Variants in FNDC10 observed in about 807,000 individuals in gnomAD.
FNDC10 encodes the protein fibronectin type III domain containing 10.
A neutral mutation model predicts 11.6 loss-of-function variants in FNDC10; 8 were observed. That is an observed-to-expected ratio of 0.69 (90% CI 0.41 to 1.25). The LOEUF is 1.25. FNDC10 is among the 50% of genes most tolerant of loss of function. FNDC10 has a pLI of 0.01. For missense variants in FNDC10, 308 were observed against 330.2 expected (o/e 0.93, Z 0.52); for synonymous variants, 187 against 162.9 (o/e 1.15, Z -1.12).
rs1406402270 is a variant in FNDC10 at position 1,598,553 on chromosome 1, TCCCACAGGG to T, written c.*773_*781del. On this transcript the variant is annotated 3_prime_UTR_variant, in exon 1 of 1. Coordinates refer to ENST00000422725, the MANE Select transcript of FNDC10 (RefSeq NM_001242659.2). The stretch of plus-strand genomic sequence containing the variant: ...TGGTGATGGCCGCCATCTGCCCCAT[TCCCACAGGG>T]ACCTAGTCAGAGGTCGCACACACAA... 3.3e-5 allele frequency: 5 copies of T among 152,224 alleles called. No individual in the cohort carries two copies. The East Asian group carries it at 9.7e-4, about 30-fold the overall frequency. 9.4% of individuals were successfully genotyped at this position (152,224 alleles called of 1,614,324 possible).
Position 1,599,767 on chromosome 1 carries a change from G to C in FNDC10, c.249C>G (p.Val83=), listed in dbSNP as rs953076239. 3.2e-6 allele frequency: 4 copies of C among 1,264,942 alleles called. No homozygotes were observed. The highest frequency in any genetic ancestry group is 4.0e-6 in the Non-Finnish European group (4 of 1,010,540). The allele number at this position is 1,264,942 out of a possible 1,614,324, so 78.4% of individuals were successfully genotyped here. A position where few individuals can be genotyped will look rare whatever the true frequency, so the allele number is the denominator to read the frequency against. Residue 83 remains valine, a synonymous_variant, in exon 1 of 1, where the codon GTC becomes GTG. Coordinates refer to ENST00000422725, the MANE Select transcript of FNDC10 (RefSeq NM_001242659.2). This position sits in a 1 kb window ranked among gnomAD's most constrained non-coding sequence, Gnocchi z 6.7. ...APAGRSLRAS[V]LRNRSVLLQW... The stretch of plus-strand genomic sequence containing the variant: ...GCAGGAGGACGCTGCGGTTGCGCAG[G>C]ACGCTGGCGCGCAGGGAGCGGCCGG...
At position 1,599,085 on chromosome 1, in the gene FNDC10, G is replaced by T. The variant is rs1570421175; in HGVS notation, c.*250C>A. On this transcript the variant is annotated 3_prime_UTR_variant, in exon 1 of 1. Transcript: ENST00000422725. This position sits in a 1 kb window ranked among gnomAD's most constrained non-coding sequence, Gnocchi z 6.7. ...TCTATAAAGGCCTGCGGAGAGCGGG[G>T]AGAGCCCTGGATGCGGCTGGCACAG... 12 of 532,682 alleles carry T rather than the reference G, an allele frequency of 2.3e-5. No individual in the cohort carries two copies. The South Asian group carries it at 3.1e-4, about 14-fold the overall frequency. 33.0% of individuals were successfully genotyped at this position (532,682 alleles called of 1,614,324 possible). A position where few individuals can be genotyped will look rare whatever the true frequency, so the allele number is the denominator to read the frequency against.
At position 1,600,046 on chromosome 1, in the gene FNDC10, G is replaced by A; in HGVS notation, c.-31C>T. The A allele has an allele frequency of 1.0e-6, 1 of 973,724 alleles. No homozygotes were observed. The highest frequency in any genetic ancestry group is 1.2e-6 in the Non-Finnish European group (1 of 822,816). 60.3% of individuals were successfully genotyped at this position (973,724 alleles called of 1,614,324 possible). ...GGCGGGGCCACGGGGCGCGGCGCTG[G>A]GTCACGCGGGCCGCGCCGCCGCCGT... On this transcript the variant is annotated 5_prime_UTR_variant, in exon 1 of 1. Transcript: ENST00000422725.
Position 1,599,465 on chromosome 1 carries a change from A to ATGC in FNDC10, c.550_551insGCA (p.Val184delinsGlyMet). 1 of 1,533,862 alleles carries ATGC rather than the reference A, an allele frequency of 6.5e-7. No homozygotes were observed. The highest frequency in any genetic ancestry group is 8.7e-7 in the Non-Finnish European group (1 of 1,146,128). Reference sequence around the variant, plus strand: ...GCCGCCCACCGCCGTCATGGCCACCACGATGTCCTGCATGCCGGCCGGCTC... The same window carrying ATGC: ...GCCGCCCACCGCCGTCATGGCCACCATGCCGATGTCCTGCATGCCGGCCGGCTC... On this transcript the variant is annotated protein_altering_variant, in exon 1 of 1. Transcript: ENST00000422725. The surrounding 1 kb of genome is among the most constrained non-coding windows in gnomAD (Gnocchi z 6.7).
Position 1,599,324 on chromosome 1 carries a change from G to A in FNDC10, c.*11C>T, listed in dbSNP as rs779253234. On this transcript the variant is annotated 3_prime_UTR_variant, in exon 1 of 1. Transcript: ENST00000422725. This position sits in a 1 kb window ranked among gnomAD's most constrained non-coding sequence, Gnocchi z 6.7. The stretch of plus-strand genomic sequence containing the variant: ...GCAGGTGGCGCAAAGATGGGCGGGC[G>A]GCCTCGCGCTTCAGGGGTGTCTGCG... 53 of 1,471,620 alleles carry A rather than the reference G, an allele frequency of 3.6e-5. 2 individuals carry two copies. The Middle Eastern group carries it at 7.2e-4, about 20-fold the overall frequency. The allele number at this position is 1,471,620 out of a possible 1,614,324, so 91.2% of individuals were successfully genotyped here.
chr1:1,598,912 G>T lies in FNDC10; in HGVS notation c.*423C>A. 1 of 188,766 alleles carries T rather than the reference G, an allele frequency of 5.3e-6. No individual in the cohort carries two copies. The highest frequency in any genetic ancestry group is 1.1e-5 in the Non-Finnish European group (1 of 92,750). The allele number at this position is 188,766 out of a possible 1,614,324, so 11.7% of individuals were successfully genotyped here. On this transcript the variant is annotated 3_prime_UTR_variant, in exon 1 of 1. Coordinates refer to ENST00000422725, the MANE Select transcript of FNDC10 (RefSeq NM_001242659.2). Reference sequence around the variant, plus strand: ...AGTGGGGTGGGGCGGGGCAGGACAGGCTTGGAGAGCTGCGCCCCAGGCCTG... The same window carrying T: ...AGTGGGGTGGGGCGGGGCAGGACAGTCTTGGAGAGCTGCGCCCCAGGCCTG...
In FNDC10 at chr1:1,598,850, G is replaced by A. The variant is rs1643077221; in HGVS notation, c.*485C>T. The A allele has an allele frequency of 6.3e-6, 1 of 159,798 alleles. No homozygotes were observed. Among genetic ancestry groups the A allele is most frequent in the Non-Finnish European group, 1.4e-5 (1 of 73,410 alleles). 9.9% of individuals were successfully genotyped at this position (159,798 alleles called of 1,614,324 possible). A position where few individuals can be genotyped will look rare whatever the true frequency, so the allele number is the denominator to read the frequency against. On this transcript the variant is annotated 3_prime_UTR_variant, in exon 1 of 1. Coordinates refer to ENST00000422725, the MANE Select transcript of FNDC10 (RefSeq NM_001242659.2). Reference sequence around the variant, plus strand: ...GCAGAGGGTGTTGGCTCCTGCAGTGGGCCCGAGATACTAAGGCACGAAGCT... The same window carrying A: ...GCAGAGGGTGTTGGCTCCTGCAGTGAGCCCGAGATACTAAGGCACGAAGCT...
In FNDC10 at chr1:1,599,955, C is replaced by A; in HGVS notation, c.61G>T (p.Ala21Ser). 1.0e-6 allele frequency: 1 copy of A among 987,132 alleles called. No homozygotes were observed. Among genetic ancestry groups the A allele is most frequent in the Non-Finnish European group, 1.2e-6 (1 of 832,762 alleles). 61.1% of individuals were successfully genotyped at this position (987,132 alleles called of 1,614,324 possible). The change falls in exon 1 of 1, where the codon GCC (alanine) becomes TCC (serine). Residue 21 changes from alanine to serine, a missense_variant. Transcript: ENST00000422725. The surrounding 1 kb of genome is among the most constrained non-coding windows in gnomAD (Gnocchi z 6.7). ...TCCCAGCCCGGCGGCGTCGGGGCGG[C>A]CGCGGCGCAGGGCGGCGGCGCGCAG... ...AACAPPPCAAAAPTPPGWEPT... is the reference protein window; with the variant it reads ...AACAPPPCAASAPTPPGWEPT...
Position 1,599,330 on chromosome 1 carries a change from G to A in FNDC10, c.*5C>T. Reference sequence around the variant, plus strand: ...GGCGCAAAGATGGGCGGGCGGCCTCGCGCTTCAGGGGTGTCTGCGCAGGCC... The same window carrying A: ...GGCGCAAAGATGGGCGGGCGGCCTCACGCTTCAGGGGTGTCTGCGCAGGCC... On this transcript the variant is annotated 3_prime_UTR_variant, in exon 1 of 1. Coordinates refer to ENST00000422725, the MANE Select transcript of FNDC10 (RefSeq NM_001242659.2). This position sits in a 1 kb window ranked among gnomAD's most constrained non-coding sequence, Gnocchi z 6.7. The A allele has an allele frequency of 1.4e-6, 2 of 1,479,676 alleles. No homozygotes were observed. Among genetic ancestry groups the A allele is most frequent in the Non-Finnish European group, 8.9e-7 (1 of 1,122,306 alleles). The allele number at this position is 1,479,676 out of a possible 1,614,324, so 91.7% of individuals were successfully genotyped here. A position where few individuals can be genotyped will look rare whatever the true frequency, so the allele number is the denominator to read the frequency against.
rs1208924782 is a variant in FNDC10, at chr1:1,598,330, C to T, written c.*1005G>A. On this transcript the variant is annotated 3_prime_UTR_variant, in exon 1 of 1. Transcript: ENST00000422725. The stretch of plus-strand genomic sequence containing the variant: ...GTCTGCAGCAGGTGGGCAGGGTCAG[C>T]TTTTCTTCCATGGCGGGTGGCATTG... 6.6e-6 allele frequency: 1 copy of T among 152,562 alleles called. No individual in the cohort carries two copies. The highest frequency in any genetic ancestry group is 1.5e-5 in the Non-Finnish European group (1 of 68,312). The allele number at this position is 152,562 out of a possible 1,614,324, so 9.5% of individuals were successfully genotyped here. A position where few individuals can be genotyped will look rare whatever the true frequency, so the allele number is the denominator to read the frequency against.
chr1:1,599,800 G>T lies in FNDC10; in HGVS notation c.216C>A (p.His72Gln). 1 of 1,198,690 alleles carries T rather than the reference G, an allele frequency of 8.3e-7. No homozygotes were observed. Among genetic ancestry groups the T allele is most frequent in the Admixed American group, 4.6e-5 (1 of 21,822 alleles). The allele number at this position is 1,198,690 out of a possible 1,614,324, so 74.3% of individuals were successfully genotyped here. ...FRCQAPGCVL[H>Q]APAGRSLRAS... ...CGCGCAGGGAGCGGCCGGCCGGGGCGTGCAGCACGCAGCCCGGAGCCTGGC... is the reference window on the plus strand; with the variant it reads ...CGCGCAGGGAGCGGCCGGCCGGGGCTTGCAGCACGCAGCCCGGAGCCTGGC... The change falls in exon 1 of 1, where the codon CAC (histidine) becomes CAA (glutamine). Residue 72 changes from histidine (H) to glutamine (Q), a missense_variant. Physicochemically the swap from His to Gln is conservative, Grantham distance 24. Coordinates refer to ENST00000422725, the MANE Select transcript of FNDC10 (RefSeq NM_001242659.2). The surrounding 1 kb of genome is among the most constrained non-coding windows in gnomAD (Gnocchi z 6.7).
In FNDC10 at chr1:1,600,041, C is replaced by A. The variant is rs1167818912; in HGVS notation, c.-26G>T. On this transcript the variant is annotated 5_prime_UTR_variant, in exon 1 of 1. Transcript: ENST00000422725. ...CCTGCGGCGGGGCCACGGGGCGCGGCGCTGGGTCACGCGGGCCGCGCCGCC... is the reference window on the plus strand; with the variant it reads ...CCTGCGGCGGGGCCACGGGGCGCGGAGCTGGGTCACGCGGGCCGCGCCGCC... The A allele has an allele frequency of 1.1e-5, 11 of 975,266 alleles. No individual in the cohort carries two copies. The highest frequency in any genetic ancestry group is 1.3e-5 in the Non-Finnish European group (11 of 824,382). 60.4% of individuals were successfully genotyped at this position (975,266 alleles called of 1,614,324 possible).
In FNDC10 at chr1:1,599,887, G is replaced by A. The variant is rs1377864358; in HGVS notation, c.129C>T (p.Pro43=). 30 of 1,017,508 alleles carry A rather than the reference G, an allele frequency of 2.9e-5. No individual in the cohort carries two copies. The highest frequency in any genetic ancestry group is 3.5e-5 in the Non-Finnish European group (30 of 853,286). 63.0% of individuals were successfully genotyped at this position (1,017,508 alleles called of 1,614,324 possible). A position where few individuals can be genotyped will look rare whatever the true frequency, so the allele number is the denominator to read the frequency against. ...DAPWCPYKVL[P]EGPEAGGGRL... ...GCCCGCCGCCCGCCTCGGGGCCCTC[G>A]GGCAGCACCTTGTAGGGGCACCAGG... Residue 43 remains proline (P), a synonymous_variant, in exon 1 of 1, where the codon CCC becomes CCT. Coordinates refer to ENST00000422725, the MANE Select transcript of FNDC10 (RefSeq NM_001242659.2). The surrounding 1 kb of genome is among the most constrained non-coding windows in gnomAD (Gnocchi z 6.7).
chr1:1,598,802 G>C lies in FNDC10; in HGVS notation c.*533C>G, dbSNP rs1279471042. 6.5e-6 allele frequency: 1 copy of C among 154,738 alleles called. No homozygotes were observed. Among genetic ancestry groups the C allele is most frequent in the Non-Finnish European group, 1.4e-5 (1 of 69,860 alleles). The allele number at this position is 154,738 out of a possible 1,614,324, so 9.6% of individuals were successfully genotyped here. A position where few individuals can be genotyped will look rare whatever the true frequency, so the allele number is the denominator to read the frequency against. ...TGCATGGAGAGGCCGGCCAATCTTA[G>C]GGCCACAGACCCCCCCTGGACAGCA... On this transcript the variant is annotated 3_prime_UTR_variant, in exon 1 of 1. Coordinates refer to ENST00000422725, the MANE Select transcript of FNDC10 (RefSeq NM_001242659.2).
Position 1,600,077 on chromosome 1 carries a change from C to G in FNDC10, c.-62G>C. The G allele has an allele frequency of 4.6e-6, 4 of 866,570 alleles. No individual in the cohort carries two copies. The highest frequency in any genetic ancestry group is 5.5e-6 in the Non-Finnish European group (4 of 725,020). The allele number at this position is 866,570 out of a possible 1,614,324, so 53.7% of individuals were successfully genotyped here. A position where few individuals can be genotyped will look rare whatever the true frequency, so the allele number is the denominator to read the frequency against. ...GCGGGCCGCGCCGCCGCCGTCCCCG[C>G]TGCCCGCTCCCCGCGATCCCCGGCG... On this transcript the variant is annotated 5_prime_UTR_variant, in exon 1 of 1. Coordinates refer to ENST00000422725, the MANE Select transcript of FNDC10 (RefSeq NM_001242659.2).
In FNDC10 at chr1:1,599,242, C is replaced by A; in HGVS notation, c.*93G>T. 1 of 1,228,830 alleles carries A rather than the reference C, an allele frequency of 8.1e-7. No individual in the cohort carries two copies. Among genetic ancestry groups the A allele is most frequent in the Non-Finnish European group, 1.1e-6 (1 of 923,434 alleles). 76.1% of individuals were successfully genotyped at this position (1,228,830 alleles called of 1,614,324 possible). On this transcript the variant is annotated 3_prime_UTR_variant, in exon 1 of 1. Transcript: ENST00000422725. This position sits in a 1 kb window ranked among gnomAD's most constrained non-coding sequence, Gnocchi z 6.7. ...CTCCTCCGCGGGGATCTTAAGGAGG[C>A]AGCAGGAATGAGGAGAGGAGAGCGG...
In FNDC10 at chr1:1,599,241, G is replaced by T. The variant is rs1245003462; in HGVS notation, c.*94C>A. ...CCTCCTCCGCGGGGATCTTAAGGAG[G>T]CAGCAGGAATGAGGAGAGGAGAGCG... On this transcript the variant is annotated 3_prime_UTR_variant, in exon 1 of 1. Transcript: ENST00000422725. This position sits in a 1 kb window ranked among gnomAD's most constrained non-coding sequence, Gnocchi z 6.7. The T allele has an allele frequency of 8.2e-7, 1 of 1,215,580 alleles. No individual in the cohort carries two copies. Among genetic ancestry groups the T allele is most frequent in the East Asian group, 2.9e-5 (1 of 34,398 alleles). The allele number at this position is 1,215,580 out of a possible 1,614,324, so 75.3% of individuals were successfully genotyped here. A position where few individuals can be genotyped will look rare whatever the true frequency, so the allele number is the denominator to read the frequency against.
At position 1,598,933 on chromosome 1, in the gene FNDC10, G is replaced by A; in HGVS notation, c.*402C>T. 9.6e-6 allele frequency: 2 copies of A among 209,078 alleles called. No individual in the cohort carries two copies. Among genetic ancestry groups the A allele is most frequent in the South Asian group, 2.6e-4 (2 of 7,796 alleles). 13.0% of individuals were successfully genotyped at this position (209,078 alleles called of 1,614,324 possible). A position where few individuals can be genotyped will look rare whatever the true frequency, so the allele number is the denominator to read the frequency against. ...ACAGGCTTGGAGAGCTGCGCCCCAG[G>A]CCTGCAAAGCACAGTGACCGAGCAA... is the stretch of plus-strand genomic sequence containing the variant. On this transcript the variant is annotated 3_prime_UTR_variant, in exon 1 of 1. Coordinates refer to ENST00000422725, the MANE Select transcript of FNDC10 (RefSeq NM_001242659.2).
At position 1,599,232 on chromosome 1, in the gene FNDC10, C is replaced by T; in HGVS notation, c.*103G>A. 1 of 1,170,532 alleles carries T rather than the reference C, an allele frequency of 8.5e-7. No individual in the cohort carries two copies. The highest frequency in any genetic ancestry group is 1.1e-6 in the Non-Finnish European group (1 of 871,488). The allele number at this position is 1,170,532 out of a possible 1,614,324, so 72.5% of individuals were successfully genotyped here. A position where few individuals can be genotyped will look rare whatever the true frequency, so the allele number is the denominator to read the frequency against. ...CCGGCAGGTCCTCCTCCGCGGGGAT[C>T]TTAAGGAGGCAGCAGGAATGAGGAG... On this transcript the variant is annotated 3_prime_UTR_variant, in exon 1 of 1. Transcript: ENST00000422725. The surrounding 1 kb of genome is among the most constrained non-coding windows in gnomAD (Gnocchi z 6.7).
Sources: gnomAD v4.1 joint callset for allele counts on GRCh38, gnomAD v4.1.1 for gene constraint, Gnocchi (gnomAD v3.1) non-coding constraint, MANE v1.5 for transcripts, NCBI Gene and HGNC (gene_info 2026-07-23, HGNC 2026-07-21) for gene names.